ASAH1: variants seen among roughly 807,000 people sequenced by gnomAD.
ASAH1 encodes the protein acid ceramidase.
Under a neutral mutation model 59.5 loss-of-function variants are expected in ASAH1, and 70 were observed. The observed-to-expected ratio is 1.18, with a 90% CI of 0.97 to 1.43. ASAH1 has a LOEUF of 1.43. Ranked by LOEUF, ASAH1 falls within the 40% of genes most tolerant of loss-of-function variation. The pLI, the probability that ASAH1 is intolerant of heterozygous loss-of-function variation, is 0.00. For missense variants in ASAH1, 660 were observed against 482.5 expected, an observed-to-expected ratio of 1.37 and a Z score of -3.45; for synonymous variants, 213 against 166.5, an observed-to-expected ratio of 1.28 and a Z score of -2.15.
chr8:18,083,828 C>A (rs1800767350), intron 1 of ASAH1, 153 bp downstream of exon 1: 1 of 1,463,814 alleles, frequency 6.8e-7, no homozygotes, highest in Admixed American at 2.2e-5. Context: ...GCCCGCTCTG[C>A]ACCCACACCC....
At chr8:18,069,933 A>G in intron 3 of ASAH1, 55 bp from the exon 4 acceptor site, 1 of 1,303,322 alleles carries the variant, frequency 7.7e-7, no homozygotes, top group East Asian at 2.3e-5. Flanking sequence ...TGTCAAGATT[A>G]CCTTTTGGCT....
In ASAH1 at chr8:18,067,229, T is replaced by C; in HGVS notation, c.373A>G (p.Ile125Val). The change falls in exon 5 of 14, where the codon ATA becomes GTA. Residue 125 changes from isoleucine (I) to valine (V), a missense_variant. Transcript: ENST00000637790. Reference sequence around the variant, plus strand: ...TCTAAGTGAACTTTACCTAAAGGTATATCAGTAACAGCGGCAATACCCTTC... The same window carrying C: ...TCTAAGTGAACTTTACCTAAAGGTACATCAGTAACAGCGGCAATACCCTTC... ...EMKGIAAVTDIPLGEIISFNI... is the reference protein window; with the variant it reads ...EMKGIAAVTDVPLGEIISFNI... The C allele has an allele frequency of 6.2e-7, 1 of 1,606,784 alleles. No homozygotes were observed. The highest frequency in any genetic ancestry group is 1.1e-5 in the South Asian group (1 of 90,280).
intron 12 of ASAH1, 79 bp from the exon 13 acceptor site, chr8:18,058,970 G>C: frequency 7.8e-7 from 1 of 1,274,416 alleles, no homozygotes; most frequent in South Asian, 1.2e-5. Flanking sequence ...TGGGCCACCA[G>C]AAACCAAGAC....
At chr8:18,075,853 A>G (rs1484219639) in intron 1 of ASAH1, 1 of 489,440 alleles carries the variant, frequency 2.0e-6, no homozygotes, top group African/African-American at 1.9e-5. Context: ...TTGAGTAACG[A>G]ACAAATGTAA....
intron 1 of ASAH1, among the ~76,000 whole-genome samples, chr8:18,078,168 C>G (rs7816173): frequency 0.48 from 72,325 of 151,704 alleles, 17,562 homozygotes; most frequent in Middle Eastern, 0.52. Flanking sequence ...CGTAATGACT[C>G]CTATCCCTTC....
chr8:18,066,758 CA>C (rs1008974454), intron 5 of ASAH1: 1 of 162,626 alleles, frequency 6.1e-6, no homozygotes, highest in African/African-American at 2.4e-5. Context: ...CAGACACCCC[CA>C]AAATGTACTA....
chr8:18,079,188 G>A (rs1800540919), intron 1 of ASAH1, among the ~76,000 whole-genome samples: 1 of 150,150 alleles, frequency 6.7e-6, no homozygotes, highest in African/African-American at 2.4e-5. Context: ...TAGGAGAATT[G>A]CCTGAAGCCG....
chr8:18,084,115 T>A (rs1009528710), upstream of ASAH1: 13 of 1,589,040 alleles, frequency 8.2e-6, no homozygotes, highest in South Asian at 5.6e-5. Flanking sequence ...AAGAGCCGGC[T>A]GGGCCGGGGG....
intron 5 of ASAH1, chr8:18,065,276 T>C (rs1799882637): frequency 6.6e-6 from 1 of 151,996 alleles, no homozygotes. Context: ...TATTTCTATT[T>C]GGTATTGAGT....
intron 12 of ASAH1, 21 bp from the exon 13 acceptor site, chr8:18,058,912 T>G (rs1192762149): frequency 6.2e-7 from 1 of 1,602,342 alleles, no homozygotes; most frequent in Non-Finnish European, 8.6e-7. Context: ...AGAAAATAGT[T>G]TTGTTCAGTA....
upstream of ASAH1, chr8:18,084,154 C>T (rs966318525): frequency 1.3e-6 from 2 of 1,562,874 alleles, no homozygotes; most frequent in Non-Finnish European, 1.7e-6. Flanking sequence ...CCGCGTGACC[C>T]GCGACCTGGG....
In ASAH1 at chr8:18,057,597, A is replaced by T; in HGVS notation, c.1125T>A (p.Asp375Glu). 1 of 1,603,986 alleles carries T rather than the reference A, an allele frequency of 6.2e-7. No homozygotes were observed. The highest frequency in any genetic ancestry group is 2.3e-5 in the East Asian group (1 of 44,216). Residue 375 changes from aspartate (D) to glutamate (E), a missense_variant, in exon 14 of 14, where the codon GAT becomes GAA. Transcript: ENST00000637790. ...AAGTTTCGAATTGACCTTTGGTAACATCTATCAAGGTTGTGTATACGGTCA... is the reference window on the plus strand; with the variant it reads ...AAGTTTCGAATTGACCTTTGGTAACTTCTATCAAGGTTGTGTATACGGTCA... ...NKLTVYTTLIDVTKGQFETYL... is the reference protein window; with the variant it reads ...NKLTVYTTLIEVTKGQFETYL...
chr8:18,060,970 C>A (rs559032072), intron 10 of ASAH1: 4 of 188,882 alleles, frequency 2.1e-5, no homozygotes, highest in Non-Finnish European at 4.4e-5. Context: ...TCAGACTGGT[C>A]TCAAACCCCT....
At chr8:18,067,113 T>TATATCTAAGACATACAGCACCTGTGCTGG in intron 5 of ASAH1, 107 bp downstream of exon 5, 1 of 513,140 alleles carries the variant, frequency 1.9e-6, no homozygotes, top group Non-Finnish European at 2.7e-6. Flanking sequence ...ACCTGTGCTG[T>TATATCTAAGACATACAGCACCTGTGCTGG]ATATCTAAGA....
At position 18,060,889 on chromosome 8, in the gene ASAH1, C is replaced by T. The variant is rs192606118; in HGVS notation, c.785+488G>A. On this transcript the variant is annotated intron_variant, in intron 10 of 13. Transcript: ENST00000637790. ...TCAGCCTCCTGAGTAGCTGGGACTA[C>T]AGGCAGGCACGTGTCACCATGCCTG... The T allele has an allele frequency of 3.3e-3, 572 of 171,434 alleles. 7 individuals carry two copies. The highest frequency in any genetic ancestry group is 0.025 in the South Asian group (187 of 7,348). 10.6% of individuals were successfully genotyped at this position (171,434 alleles called of 1,614,324 possible).
At chr8:18,070,362 C>CT (rs1800112245) in intron 3 of ASAH1, among the ~76,000 whole-genome samples, 1 of 152,154 alleles carries the variant, frequency 6.6e-6, no homozygotes, top group South Asian at 2.1e-4. Context: ...CTTGGCCAGG[C>CT]TGGTCTCGAA....
chr8:18,080,421 C>A (rs1800603924), intron 1 of ASAH1, among the ~76,000 whole-genome samples: 1 of 152,184 alleles, frequency 6.6e-6, no homozygotes, highest in South Asian at 2.1e-4. Context: ...TTTCTGCCCC[C>A]AACACTGCTC....
chr8:18,077,442 C>T (rs1475760779), intron 1 of ASAH1, among the ~76,000 whole-genome samples: 1 of 152,166 alleles, frequency 6.6e-6, no homozygotes, highest in Non-Finnish European at 1.5e-5. Context: ...TTCTCAGCTT[C>T]TTCGAAAACA....
At chr8:18,062,629 T>C (rs1041536550) in intron 7 of ASAH1, 5 of 588,840 alleles carry the variant, frequency 8.5e-6, no homozygotes, top group African/African-American at 7.5e-5. Context: ...TCTCTCAATA[T>C]CACACAGCTT....
Sources: gnomAD v4.1 joint callset for allele counts (sites outside exome capture counted in the v4.1 genomes callset) on GRCh38, gnomAD v4.1.1 for gene constraint, MANE v1.5 for transcripts, NCBI Gene and HGNC (gene_info 2026-07-23, HGNC 2026-07-21) for gene names.